The following ARHGEF7 variants were observed in gnomAD, a reference collection of about 807,000 sequenced individuals.
ARHGEF7 encodes Rho guanine nucleotide exchange factor 7.
Under a neutral mutation model 109.8 loss-of-function variants are expected in ARHGEF7, and 33 were observed. That is an observed-to-expected ratio of 0.30 (90% CI 0.23 to 0.40). The LOEUF (loss-of-function observed/expected upper bound fraction) is 0.40, where lower values mean the gene tolerates loss of function less well. Ranked by LOEUF, ARHGEF7 falls within the 10% of genes least tolerant of loss-of-function variation. The pLI, the probability that ARHGEF7 is intolerant of heterozygous loss-of-function variation, is 1.00. For synonymous variants in ARHGEF7, 458 were observed against 424.6 expected (o/e 1.08, Z -0.97); for missense variants, 938 against 1,098.5 (o/e 0.85, Z 2.07).
intron 2 of ARHGEF7, among the ~76,000 whole-genome samples, chr13:111,156,434 T>G (rs1399700203): frequency 6.6e-6 from 1 of 152,254 alleles, no homozygotes; most frequent in African/African-American, 2.4e-5. Flanking sequence ...TTAGCATTCT[T>G]CAAGCTTAGT....
chr13:111,270,970 G>C (rs2092094755), intron 9 of ARHGEF7, among the ~76,000 whole-genome samples: 1 of 152,176 alleles, frequency 6.6e-6, no homozygotes, highest in African/African-American at 2.4e-5. Context: ...TGTGTGTGCG[G>C]AACAGGCTGC....
intron 1 of ARHGEF7, among the ~76,000 whole-genome samples, chr13:111,117,492 A>G (rs1202057233): frequency 1.3e-5 from 2 of 152,200 alleles, no homozygotes; most frequent in Admixed American, 6.5e-5. Flanking sequence ...CTCTGTCACA[A>G]TGAAAGTTTA....
In ARHGEF7 at chr13:111,221,524, T is replaced by TATATCTATATATATAG. The variant is rs2084288870; in HGVS notation, c.670+3648_670+3649insCTATATATATAGATAT. Reference sequence around the variant, plus strand: ...ATATCTATATATATAGATATATATCTATATATATCTATATATAGATACATA... The same window carrying TATATCTATATATATAG: ...ATATCTATATATATAGATATATATCTATATCTATATATATAGATATATATCTATATATAGATACATA... On this transcript the variant is annotated intron_variant, in intron 5 of 21. Coordinates refer to ENST00000646102, the MANE Select transcript of ARHGEF7 (RefSeq NM_001354046.2). 6.1e-5 allele frequency among the ~76,000 whole-genome samples: 2 copies of TATATCTATATATATAG among 32,864 alleles called. 1 individual carries two copies. The highest frequency in any genetic ancestry group is 1.8e-4 in the African/African-American group (2 of 10,844). The allele number at this position is 32,864 out of a possible 152,430, so 21.6% of individuals were successfully genotyped here.
intron 1 of ARHGEF7, among the ~76,000 whole-genome samples, chr13:111,150,806 A>G (rs1034603151): frequency 6.6e-6 from 1 of 152,218 alleles, no homozygotes; most frequent in Non-Finnish European, 1.5e-5. Context: ...TATTGGGGGC[A>G]TGAAAAGAAC....
At chr13:111,267,871 T>C (rs974460273) in intron 9 of ARHGEF7, among the ~76,000 whole-genome samples, 7 of 152,212 alleles carry the variant, frequency 4.6e-5, no homozygotes, top group Non-Finnish European at 1.0e-4. Context: ...AGACAAATCT[T>C]TTCAATGTTT....
intron 8 of ARHGEF7, among the ~76,000 whole-genome samples, chr13:111,262,431 T>C (rs2091204404): frequency 6.6e-6 from 1 of 152,126 alleles, no homozygotes; most frequent in Admixed American, 6.5e-5. Context: ...TGTGTGTGTC[T>C]ATCTCCACCC....
In ARHGEF7 at chr13:111,141,363, T is replaced by A. The variant is rs558448977; in HGVS notation, c.166-12542T>A. 2.0e-5 allele frequency among the ~76,000 whole-genome samples: 3 copies of A among 152,140 alleles called. No individual in the cohort carries two copies. In the South Asian group the frequency reaches 6.2e-4, roughly 32 times the overall value. On this transcript the variant is annotated intron_variant, in intron 1 of 21. Coordinates refer to ENST00000646102, the MANE Select transcript of ARHGEF7 (RefSeq NM_001354046.2). Reference sequence around the variant, plus strand: ...GATCTTTTTACCGTCCCCATGTTTTTTTTTTTTAAATTACATTTACTGGTT... The same window carrying A: ...GATCTTTTTACCGTCCCCATGTTTTATTTTTTTAAATTACATTTACTGGTT...
At chr13:111,158,071 G>A (rs143813276) in intron 2 of ARHGEF7, among the ~76,000 whole-genome samples, 1 of 152,146 alleles carries the variant, frequency 6.6e-6, no homozygotes, top group African/African-American at 2.4e-5. Flanking sequence ...CATTAATAAC[G>A]TGGTTTCAGG....
Position 111,119,082 on chromosome 13 carries a change from C to T in ARHGEF7, c.165+3391C>T, listed in dbSNP as rs555345678. On this transcript the variant is annotated intron_variant, in intron 1 of 21. Coordinates refer to ENST00000646102, the MANE Select transcript of ARHGEF7 (RefSeq NM_001354046.2). ...GCTCCAAGGAGGGGTCTGTCCCAGGCCACTCTCAGGCTTCTGGTAGTTCCT... is the reference window on the plus strand; with the variant it reads ...GCTCCAAGGAGGGGTCTGTCCCAGGTCACTCTCAGGCTTCTGGTAGTTCCT... Among the ~76,000 whole-genome samples, 61 of 152,322 alleles carry T rather than the reference C, an allele frequency of 4.0e-4. 1 individual carries two copies. The Middle Eastern group carries it at 0.01, about 25-fold the overall frequency.
intron 8 of ARHGEF7, among the ~76,000 whole-genome samples, chr13:111,247,665 G>T (rs183556735): frequency 6.2e-4 from 94 of 152,112 alleles, no homozygotes; most frequent in African/African-American, 2.1e-3. Flanking sequence ...CTGTTGGTTA[G>T]ACCCAGGAGT....
chr13:111,254,522 A>G (rs7990110), intron 8 of ARHGEF7, among the ~76,000 whole-genome samples: 2,376 of 126,232 alleles, frequency 0.019, 130 homozygotes, highest in African/African-American at 0.057. Flanking sequence ...AGTCGCTAAC[A>G]TGAAGGCCGG....
intron 1 of ARHGEF7, among the ~76,000 whole-genome samples, chr13:111,146,035 T>TA (rs1336161132): frequency 1.3e-5 from 2 of 152,186 alleles, no homozygotes; most frequent in Non-Finnish European, 2.9e-5. Context: ...AGGGAGCTTA[T>TA]GTCTAATGAG....
chr13:111,237,326 G>GA (rs1285330342), intron 6 of ARHGEF7, among the ~76,000 whole-genome samples: 2 of 151,682 alleles, frequency 1.3e-5, no homozygotes, highest in Non-Finnish European at 2.9e-5. Context: ...CTAAGGCTTT[G>GA]AAAAAAAATA....
In ARHGEF7 at chr13:111,273,847, T is replaced by C; in HGVS notation, c.1107T>C (p.Gly369=). The C allele has an allele frequency of 6.2e-7, 1 of 1,614,134 alleles. No homozygotes were observed. Among genetic ancestry groups the C allele is most frequent in the African/African-American group, 1.3e-5 (1 of 75,034 alleles). ...EELGEFMETK[G]ASSPGILVLT... is the part of the protein sequence containing the mutation. The stretch of plus-strand genomic sequence containing the variant: ...TGGGGGAGTTCATGGAGACCAAAGG[T>C]GCCAGCAGCCCTGGGATTCTCGTGC... Residue 369 remains glycine (G), a synonymous_variant, in exon 10 of 22, where the codon GGT becomes GGC. Coordinates refer to ENST00000646102, the MANE Select transcript of ARHGEF7 (RefSeq NM_001354046.2). This position sits in a 1 kb window ranked among gnomAD's most constrained non-coding sequence, Gnocchi z 4.5.
intron 2 of ARHGEF7, among the ~76,000 whole-genome samples, chr13:111,165,201 T>A (rs918503209): frequency 6.6e-6 from 1 of 152,190 alleles, no homozygotes; most frequent in Non-Finnish European, 1.5e-5. Flanking sequence ...AAAGCCTGAA[T>A]TGTGTGAGTC....
chr13:111,268,549 T>G (rs1318074462), intron 9 of ARHGEF7, among the ~76,000 whole-genome samples: 2 of 152,224 alleles, frequency 1.3e-5, no homozygotes, highest in Non-Finnish European at 2.9e-5. Flanking sequence ...GAAAGCCTCG[T>G]CAGTGAACAG....
chr13:111,219,708 G>C (rs757416686), intron 5 of ARHGEF7, among the ~76,000 whole-genome samples: 4 of 151,870 alleles, frequency 2.6e-5, no homozygotes, highest in Non-Finnish European at 5.9e-5. Context: ...GTTTTTTGTA[G>C]TTGTTAATAA....
In ARHGEF7 at chr13:111,221,411, AGATG is replaced by A. The variant is rs376290803; in HGVS notation, c.670+3532_670+3535del. Among the ~76,000 whole-genome samples, 53 of 24,390 alleles carry A rather than the reference AGATG, an allele frequency of 2.2e-3. 17 individuals carry two copies. The highest frequency in any genetic ancestry group is 9.3e-3 in the East Asian group (6 of 644). 16.0% of individuals were successfully genotyped at this position (24,390 alleles called of 152,430 possible). A position where few individuals can be genotyped will look rare whatever the true frequency, so the allele number is the denominator to read the frequency against. ...TAGATGTCTATATATCTATATATAT[AGATG>A]TCTATATATCTATATATAGATATAT... On this transcript the variant is annotated intron_variant, in intron 5 of 21. Coordinates refer to ENST00000646102, the MANE Select transcript of ARHGEF7 (RefSeq NM_001354046.2).
chr13:111,152,709 C>T (rs1223794283), intron 1 of ARHGEF7, among the ~76,000 whole-genome samples: 1 of 152,148 alleles, frequency 6.6e-6, no homozygotes, highest in East Asian at 1.9e-4. Context: ...TTCTAGATGA[C>T]GCATTAGTTT....
Sources: allele counts gnomAD v4.1 joint callset (sites outside exome capture counted in the v4.1 genomes callset), GRCh38; gene constraint gnomAD v4.1.1; non-coding constraint Gnocchi (gnomAD v3.1); transcripts MANE v1.5; gene names NCBI Gene and HGNC (gene_info 2026-07-23, HGNC 2026-07-21).